Variants in ITSN1 observed in about 807,000 individuals in gnomAD.
The protein encoded by ITSN1 is intersectin-1.
A neutral mutation model predicts 239.8 loss-of-function variants in ITSN1; 58 were observed. The observed-to-expected ratio is 0.24, with a 90% CI of 0.20 to 0.30. The LOEUF (loss-of-function observed/expected upper bound fraction) is 0.30, where lower values mean the gene tolerates loss of function less well. ITSN1 is among the 10% of genes least tolerant of loss of function. The probability of loss-of-function intolerance (pLI) is 1.00; values close to 1 mark genes in which losing one functional copy is unlikely to be tolerated. For synonymous variants in ITSN1, 780 were observed against 770.8 expected (o/e 1.01, Z -0.20); for missense variants, 1,558 against 2,103.3 (o/e 0.74, Z 5.07).
At chr21:33,766,517 T>A (rs1437643546) in intron 10 of ITSN1, among the ~76,000 whole-genome samples, 2 of 152,208 alleles carry the variant, frequency 1.3e-5, no homozygotes, top group African/African-American at 4.8e-5. Flanking sequence ...CTCATTTACA[T>A]CCATGCATGC....
intron 27 of ITSN1, among the ~76,000 whole-genome samples, chr21:33,833,618 A>AT (rs2074422643): frequency 6.6e-6 from 1 of 152,246 alleles, no homozygotes; most frequent in African/African-American, 2.4e-5. Flanking sequence ...CTGTAATCCC[A>AT]GCACTTTGGG....
chr21:33,721,715 A>C (rs1398778109), intron 3 of ITSN1, among the ~76,000 whole-genome samples: 13 of 148,904 alleles, frequency 8.7e-5, no homozygotes. Flanking sequence ...AATTGTTTGA[A>C]CCCTAGAGGC....
chr21:33,845,612 C>T (rs746348068), intron 29 of ITSN1, among the ~76,000 whole-genome samples: 2 of 152,128 alleles, frequency 1.3e-5, no homozygotes, highest in African/African-American at 2.4e-5. Context: ...AATTTTAGCA[C>T]GGCTCAGTCG....
intron 20 of ITSN1, among the ~76,000 whole-genome samples, chr21:33,806,004 C>A (rs1302253832): frequency 4.2e-5 from 6 of 142,762 alleles, no homozygotes; most frequent in African/African-American, 1.3e-4. Flanking sequence ...GAGATTGAGA[C>A]CATCCTGGCT....
chr21:33,839,411 G>T (rs908527107), intron 29 of ITSN1, among the ~76,000 whole-genome samples: 3 of 152,156 alleles, frequency 2.0e-5, no homozygotes, highest in African/African-American at 7.2e-5. Flanking sequence ...GCTGAGACCT[G>T]AAGAGTAAGG....
chr21:33,706,984 A>T (rs1171685847), intron 1 of ITSN1, among the ~76,000 whole-genome samples: 1 of 152,142 alleles, frequency 6.6e-6, no homozygotes, highest in East Asian at 1.9e-4. Context: ...CGGCCTCCCA[A>T]AGTGCTGGGA....
At chr21:33,806,311 T>C (rs1229728314) in intron 20 of ITSN1, among the ~76,000 whole-genome samples, 1 of 152,218 alleles carries the variant, frequency 6.6e-6, no homozygotes, top group East Asian at 1.9e-4. Context: ...CCTGCACTCC[T>C]CAACACATCC....
chr21:33,877,994 CTT>C (rs1984246636), intron 34 of ITSN1, among the ~76,000 whole-genome samples: 1 of 141,050 alleles, frequency 7.1e-6, no homozygotes, highest in African/African-American at 2.7e-5. Context: ...CTCTCTTTCT[CTT>C]TCTCTCTCTC....
At chr21:33,814,275 T>G in intron 22 of ITSN1, 1 of 544,160 alleles carries the variant, frequency 1.8e-6, no homozygotes, top group Non-Finnish European at 3.3e-6. Flanking sequence ...CACAGTCAAC[T>G]TCTCCTGCCT....
intron 1 of ITSN1, among the ~76,000 whole-genome samples, chr21:33,693,077 T>G (rs1218794867): frequency 6.6e-6 from 1 of 152,180 alleles, no homozygotes; most frequent in Non-Finnish European, 1.5e-5. Context: ...ATTATAGGCA[T>G]GAGCCACCGC....
chr21:33,762,000 A>C lies in ITSN1; in HGVS notation c.788+14A>C. 6.2e-7 allele frequency: 1 copy of C among 1,600,614 alleles called. No homozygotes were observed. ...GGCTTCAATATGGTAAGGAATGAAA[A>C]GTTCTTTGGTTTGGATAAAGTGGAA... On this transcript the variant is annotated intron_variant, in intron 9 of 39. Coordinates refer to ENST00000381318, the MANE Select transcript of ITSN1 (RefSeq NM_003024.3).
rs528790497 is a variant in ITSN1 at position 33,679,956 on chromosome 21, C to G, written c.-33+37243C>G. On this transcript the variant is annotated intron_variant, in intron 1 of 39. Transcript: ENST00000381318. ...CTCGTGATCCGCCTGTCTGGTCCTC[C>G]CAAAGTGCTGGGATTACAGGCGTGA... Among the ~76,000 whole-genome samples, 29 of 152,138 alleles carry G rather than the reference C, an allele frequency of 1.9e-4. 1 individual carries two copies. Among genetic ancestry groups the G allele is most frequent in the Non-Finnish European group, 3.8e-4 (26 of 68,028 alleles).
At chr21:33,867,669 T>C (rs1014865267) in intron 33 of ITSN1, among the ~76,000 whole-genome samples, 11 of 150,534 alleles carry the variant, frequency 7.3e-5, no homozygotes, top group Admixed American at 2.6e-4. Context: ...GAGCTAATAC[T>C]GTGTCCGGAA....
chr21:33,654,467 A>G (rs1425284523), intron 1 of ITSN1, among the ~76,000 whole-genome samples: 1 of 152,154 alleles, frequency 6.6e-6, no homozygotes, highest in Non-Finnish European at 1.5e-5. Context: ...TTATGAGACA[A>G]GGTACAAAGC....
rs199737103 is a variant in ITSN1, at chr21:33,770,764, A to ATTTT, written c.1043-1281_1043-1278dup. ...CCTTTCTGTGGGAGGGGGACTTTGA[A>ATTTT]TTTTTTTTTTTTTTTTTTTGAGACA... On this transcript the variant is annotated intron_variant, in intron 11 of 39. Coordinates refer to ENST00000381318, the MANE Select transcript of ITSN1 (RefSeq NM_003024.3). Among the ~76,000 whole-genome samples, 974 of 133,598 alleles carry ATTTT rather than the reference A, an allele frequency of 7.3e-3. 16 individuals carry two copies. The highest frequency in any genetic ancestry group is 0.026 in the African/African-American group (927 of 35,080). The allele number at this position is 133,598 out of a possible 152,430, so 87.6% of individuals were successfully genotyped here.
At chr21:33,819,373 G>C (rs2073503209) in intron 24 of ITSN1, 50 bp downstream of exon 24, 2 of 1,318,550 alleles carry the variant, frequency 1.5e-6, no homozygotes, top group African/African-American at 1.4e-5. Flanking sequence ...AGGACATTGT[G>C]TAAATGTTTG....
rs562150498 is a variant in ITSN1, at chr21:33,891,495, C to T, written c.*3195C>T. On this transcript the variant is annotated 3_prime_UTR_variant, in exon 40 of 40. Transcript: ENST00000381318. The stretch of plus-strand genomic sequence containing the variant: ...AGACTATGAGTAAATTGACCACCCA[C>T]ATTAAGTCTTATCTCGGTGACCTGG... 1 of 152,270 alleles carries T rather than the reference C, an allele frequency of 6.6e-6. No homozygotes were observed. The highest frequency in any genetic ancestry group is 2.1e-4 in the South Asian group (1 of 4,812). 9.4% of individuals were successfully genotyped at this position (152,270 alleles called of 1,614,324 possible).
Position 33,761,951 on chromosome 21 carries a change from G to A in ITSN1, c.753G>A (p.Gln251=), listed in dbSNP as rs200049832. The A allele has an allele frequency of 8.7e-6, 14 of 1,613,890 alleles. No individual in the cohort carries two copies. In the East Asian group the frequency reaches 2.9e-4, roughly 33 times the overall value. The change falls in exon 9 of 40, where the codon CAG becomes CAA. Residue 251 remains glutamine (Q), a synonymous_variant. Transcript: ENST00000381318. Reference sequence around the variant, plus strand: ...CCCAAGCAAGAACTATTCTTATGCAGTCAAGTTTACCACAGGCTCAGCTGG... The same window carrying A: ...CCCAAGCAAGAACTATTCTTATGCAATCAAGTTTACCACAGGCTCAGCTGG... ...TGPQARTILM[Q]SSLPQAQLAS...
intron 16 of ITSN1, among the ~76,000 whole-genome samples, chr21:33,787,060 A>C (rs2070733100): frequency 6.6e-6 from 1 of 152,234 alleles, no homozygotes; most frequent in Non-Finnish European, 1.5e-5. Flanking sequence ...TCTTTATAAA[A>C]GTTAATTACT....
Sources: gnomAD v4.1 joint callset for allele counts (sites outside exome capture counted in the v4.1 genomes callset) on GRCh38, gnomAD v4.1.1 for gene constraint, MANE v1.5 for transcripts, NCBI Gene and HGNC (gene_info 2026-07-23, HGNC 2026-07-21) for gene names.